Variants in DTNA observed in about 807,000 individuals in gnomAD.
DTNA encodes dystrophin-related protein 3.
Under a neutral mutation model 100.7 loss-of-function variants are expected in DTNA, and 43 were observed. The observed-to-expected ratio is 0.43, with a 90% CI of 0.33 to 0.55. The LOEUF (loss-of-function observed/expected upper bound fraction) is 0.55. Ranked by LOEUF, DTNA falls within the 20% of genes least tolerant of loss-of-function variation. The pLI is 0.04. For synonymous variants in DTNA, 349 were observed against 347.9 expected, an observed-to-expected ratio of 1.00 and a Z score of -0.04; for missense variants, 798 against 953.9, an observed-to-expected ratio of 0.84 and a Z score of 2.15.
intron 1 of DTNA, among the ~76,000 whole-genome samples, chr18:34,716,757 A>G (rs1466230422): frequency 6.6e-6 from 1 of 152,242 alleles, no homozygotes; most frequent in African/African-American, 2.4e-5. Context: ...ATGCAAATTT[A>G]TGAAATTATT....
chr18:34,871,224 A>G (rs1454066073), intron 17 of DTNA, among the ~76,000 whole-genome samples: 1 of 152,160 alleles, frequency 6.6e-6, no homozygotes, highest in South Asian at 2.1e-4. Flanking sequence ...AGCATCCCTC[A>G]TTTCTGGTGG....
At chr18:34,557,730 A>C (rs1375937035) in intron 1 of DTNA, among the ~76,000 whole-genome samples, 1 of 151,240 alleles carries the variant, frequency 6.6e-6, no homozygotes, top group Non-Finnish European at 1.5e-5. Context: ...GCCTGTTCTC[A>C]GATTTCCAGC....
intron 22 of DTNA, among the ~76,000 whole-genome samples, chr18:34,887,014 C>T (rs1484797939): frequency 1.3e-5 from 2 of 152,160 alleles, no homozygotes; most frequent in African/African-American, 4.8e-5. Context: ...TCCAAGGGTT[C>T]TGAAGCCAGA....
At position 34,804,935 on chromosome 18, in the gene DTNA, AC is replaced by A. The variant is rs2095322503; in HGVS notation, c.363-1283del. Among the ~76,000 whole-genome samples, 5 of 152,340 alleles carry A rather than the reference AC, an allele frequency of 3.3e-5. No homozygotes were observed. In the South Asian group the frequency reaches 1.0e-3, roughly 32 times the overall value. On this transcript the variant is annotated intron_variant, in intron 4 of 22. Coordinates refer to ENST00000444659, the MANE Select transcript of DTNA (RefSeq NM_001386795.1). ...ATCCCTCTCTGAAACCTAGTAAGGA[AC>A]AAAACCACGATTATTTATATCTTAT...
At chr18:34,879,216 A>G (rs897300325) in intron 19 of DTNA, among the ~76,000 whole-genome samples, 6 of 152,214 alleles carry the variant, frequency 3.9e-5, no homozygotes, top group Non-Finnish European at 4.4e-5. Flanking sequence ...TAGTTCTTAA[A>G]TTAGTGTAAT....
At chr18:34,705,017 ACAGTCTTCCACTCAAAG>A (rs2146294602) in intron 1 of DTNA, among the ~76,000 whole-genome samples, 1 of 152,280 alleles carries the variant, frequency 6.6e-6, no homozygotes, top group African/African-American at 2.4e-5. Flanking sequence ...GAGTTACCTG[ACAGTCTTCCACTCAAAG>A]CACATGGATT....
intron 1 of DTNA, among the ~76,000 whole-genome samples, chr18:34,627,710 G>A (rs2057515339): frequency 6.6e-6 from 1 of 152,134 alleles, no homozygotes; most frequent in African/African-American, 2.4e-5. Flanking sequence ...TCCTGAGTCA[G>A]GGAAGGATGA....
chr18:34,654,717 G>GT (rs752594320), intron 1 of DTNA, among the ~76,000 whole-genome samples: 26 of 151,928 alleles, frequency 1.7e-4, no homozygotes, highest in Non-Finnish European at 3.2e-4. Flanking sequence ...AAAGTGGACT[G>GT]TAAAATCTGT....
At chr18:34,609,245 C>CTTTTTT (rs71166019) in intron 1 of DTNA, among the ~76,000 whole-genome samples, 29 of 131,312 alleles carry the variant, frequency 2.2e-4, no homozygotes, top group African/African-American at 5.5e-4. Context: ...TGCTTTAATT[C>CTTTTTT]TTTTTTTTTT....
At chr18:34,666,516 T>C (rs1271064703) in intron 1 of DTNA, among the ~76,000 whole-genome samples, 1 of 152,132 alleles carries the variant, frequency 6.6e-6, no homozygotes, top group Admixed American at 6.5e-5. Flanking sequence ...TCCTGAATGG[T>C]ATTGCCTAGG....
intron 1 of DTNA, among the ~76,000 whole-genome samples, chr18:34,495,688 A>C (rs1359550378): frequency 6.6e-6 from 1 of 152,212 alleles, no homozygotes; most frequent in African/African-American, 2.4e-5. Context: ...CTGTCATGTC[A>C]TTTAGCCAAT....
At chr18:34,730,757 T>C (rs1167542473) in intron 1 of DTNA, among the ~76,000 whole-genome samples, 2 of 152,152 alleles carry the variant, frequency 1.3e-5, no homozygotes, top group Non-Finnish European at 2.9e-5. Context: ...CACCCTAATA[T>C]CTATGCACAT....
At chr18:34,626,031 T>C (rs181768177) in intron 1 of DTNA, among the ~76,000 whole-genome samples, 3 of 152,300 alleles carry the variant, frequency 2.0e-5, no homozygotes, top group Admixed American at 2.0e-4. Context: ...GAAATTCTCG[T>C]AGACTGTCAA....
intron 3 of DTNA, among the ~76,000 whole-genome samples, chr18:34,768,836 T>G (rs1361184546): frequency 6.6e-6 from 1 of 152,182 alleles, no homozygotes; most frequent in Non-Finnish European, 1.5e-5. Flanking sequence ...TTGCTCAAAA[T>G]CTAACTGAGA....
intron 1 of DTNA, among the ~76,000 whole-genome samples, chr18:34,570,604 T>A (rs1032177760): frequency 6.6e-6 from 1 of 152,206 alleles, no homozygotes; most frequent in Non-Finnish European, 1.5e-5. Context: ...AAGATTTTTT[T>A]AAAAACCACA....
intron 1 of DTNA, among the ~76,000 whole-genome samples, chr18:34,571,379 C>T (rs1443803051): frequency 1.3e-5 from 2 of 152,152 alleles, no homozygotes; most frequent in Non-Finnish European, 2.9e-5. Context: ...TGTGTGCTTA[C>T]AGGTGTTCTC....
chr18:34,763,651 T>C (rs1601620377), intron 2 of DTNA, among the ~76,000 whole-genome samples: 2 of 152,344 alleles, frequency 1.3e-5, no homozygotes, highest in East Asian at 3.9e-4. Flanking sequence ...AATTGCTTTC[T>C]GTATATTCTA....
At position 34,784,996 on chromosome 18, in the gene DTNA, C is replaced by T. The variant is rs199952529; in HGVS notation, c.149-9041C>T. Among the ~76,000 whole-genome samples the T allele has an allele frequency of 3.4e-4, 50 of 149,158 alleles. No homozygotes were observed. The East Asian group carries it at 9.5e-3, about 28-fold the overall frequency. Reference sequence around the variant, plus strand: ...TCGCCCAGGCTGGAGTGCAGTGGTGCGATCTTGGCCCGGTTTCACACCATT... The same window carrying T: ...TCGCCCAGGCTGGAGTGCAGTGGTGTGATCTTGGCCCGGTTTCACACCATT... On this transcript the variant is annotated intron_variant, in intron 3 of 22. Transcript: ENST00000444659.
At chr18:34,796,128 T>G (rs1376502801) in intron 4 of DTNA, among the ~76,000 whole-genome samples, 1 of 152,204 alleles carries the variant, frequency 6.6e-6, no homozygotes, top group Admixed American at 6.5e-5. Context: ...CATAGACAAA[T>G]TTCACTGCAA....
Sources: allele counts gnomAD v4.1 joint callset (sites outside exome capture counted in the v4.1 genomes callset), GRCh38; gene constraint gnomAD v4.1.1; transcripts MANE v1.5; gene names NCBI Gene and HGNC (gene_info 2026-07-23, HGNC 2026-07-21).